Variants in KCNMB2 observed in about 807,000 individuals in gnomAD.
KCNMB2 encodes calcium-activated potassium channel subunit beta-2.
KCNMB2 carries 9 observed loss-of-function variants against 24.5 expected under a neutral mutation model. That is an observed-to-expected ratio of 0.37 (90% CI 0.22 to 0.64). The LOEUF is 0.64. Among genes scored for constraint, KCNMB2 ranks in the 30% least tolerant of loss-of-function variants. The pLI is 0.63. For synonymous variants in KCNMB2, 109 were observed against 104.4 expected (o/e 1.04, Z -0.27); for missense variants, 226 against 284.3 (o/e 0.79, Z 1.47).
chr3:178,660,733 G>A (rs1434114662), intron 1 of KCNMB2, among the ~76,000 whole-genome samples: 1 of 152,116 alleles, frequency 6.6e-6, no homozygotes, highest in Non-Finnish European at 1.5e-5. Context: ...GACTTGCTCA[G>A]GGTCACAGAG....
chr3:178,603,214 T>C (rs1718153716), intron 1 of KCNMB2, among the ~76,000 whole-genome samples: 1 of 152,188 alleles, frequency 6.6e-6, no homozygotes. Flanking sequence ...CTTATAAGTC[T>C]CATAAGTAGA....
chr3:178,831,490 A>G (rs1249296841), intron 4 of KCNMB2, among the ~76,000 whole-genome samples: 2 of 152,212 alleles, frequency 1.3e-5, no homozygotes, highest in Non-Finnish European at 2.9e-5. Flanking sequence ...ATATGGAATC[A>G]ACCTAAATGC....
At chr3:178,695,898 C>T (rs933039767) in intron 1 of KCNMB2, among the ~76,000 whole-genome samples, 2 of 152,202 alleles carry the variant, frequency 1.3e-5, no homozygotes, top group African/African-American at 4.8e-5. Context: ...AAAGTTGCTT[C>T]CACATTTTTT....
chr3:178,545,177 C>T (rs1293038372), intron 1 of KCNMB2, among the ~76,000 whole-genome samples: 1 of 152,110 alleles, frequency 6.6e-6, no homozygotes, highest in South Asian at 2.1e-4. Flanking sequence ...TTGTAGAATC[C>T]TATCACTCAC....
intron 1 of KCNMB2, among the ~76,000 whole-genome samples, chr3:178,600,647 T>C (rs1231737039): frequency 1.3e-5 from 2 of 152,100 alleles, no homozygotes; most frequent in Admixed American, 1.3e-4. Context: ...GATGGGGACT[T>C]CAGGACAGAG....
At chr3:178,757,105 T>G (rs969384611) in intron 1 of KCNMB2, 2 of 151,228 alleles carry the variant, frequency 1.3e-5, no homozygotes, top group African/African-American at 2.4e-5. Context: ...GCCCCATCTT[T>G]GTTTCTTCTT....
At chr3:178,804,211 T>C (rs1299921537) in intron 1 of KCNMB2, among the ~76,000 whole-genome samples, 1 of 152,206 alleles carries the variant, frequency 6.6e-6, no homozygotes, top group Non-Finnish European at 1.5e-5. Context: ...AAAAGTTTCT[T>C]GTCCTATAAA....
At chr3:178,751,328 C>A (rs58004743) in intron 1 of KCNMB2, among the ~76,000 whole-genome samples, 1 of 152,016 alleles carries the variant, frequency 6.6e-6, no homozygotes, top group African/African-American at 2.4e-5. Flanking sequence ...TGCCTGTAAT[C>A]TCAGCACTTT....
chr3:178,583,384 T>C (rs553527019), intron 1 of KCNMB2, among the ~76,000 whole-genome samples: 1 of 152,204 alleles, frequency 6.6e-6, no homozygotes, highest in Admixed American at 6.5e-5. Flanking sequence ...TATACAAATA[T>C]AAAAAGGGAA....
chr3:178,539,315 T>C (rs1055820307), intron 1 of KCNMB2, among the ~76,000 whole-genome samples: 4 of 152,186 alleles, frequency 2.6e-5, no homozygotes, highest in East Asian at 3.8e-4. Context: ...TTAATGCATA[T>C]GTGTGTATGA....
chr3:178,684,659 C>G lies in KCNMB2; in HGVS notation c.-67-122684C>G, dbSNP rs1321894660. 2.6e-5 allele frequency among the ~76,000 whole-genome samples: 4 copies of G among 152,056 alleles called. 1 individual carries two copies. Among genetic ancestry groups the G allele is most frequent in the African/African-American group, 9.7e-5 (4 of 41,374 alleles). ...CCTGACCAACATGGAGAAACCCCGT[C>G]TCTACTAAAAATACAAAAAAAGTTA... On this transcript the variant is annotated intron_variant, in intron 1 of 4. Transcript: ENST00000452583.
chr3:178,722,736 TA>T (rs1722848862), intron 1 of KCNMB2, among the ~76,000 whole-genome samples: 1 of 152,022 alleles, frequency 6.6e-6, no homozygotes, highest in South Asian at 2.1e-4. Flanking sequence ...CTACAAAAAA[TA>T]CAAAAATTAT....
At chr3:178,751,426 A>T (rs1408559231) in intron 1 of KCNMB2, among the ~76,000 whole-genome samples, 1 of 151,934 alleles carries the variant, frequency 6.6e-6, no homozygotes, top group Non-Finnish European at 1.5e-5. Context: ...TAAAAATACA[A>T]AAAATTAGCT....
chr3:178,711,366 C>T (rs1476391920), intron 1 of KCNMB2, among the ~76,000 whole-genome samples: 1 of 152,016 alleles, frequency 6.6e-6, no homozygotes, highest in Non-Finnish European at 1.5e-5. Flanking sequence ...ATTCTTGCAT[C>T]CTGCACAGAG....
chr3:178,541,991 A>G (rs1294370812), intron 1 of KCNMB2, among the ~76,000 whole-genome samples: 10 of 152,078 alleles, frequency 6.6e-5, no homozygotes, highest in East Asian at 1.9e-4. Context: ...AAATTAGCCA[A>G]TTGGAATTAG....
At chr3:178,593,026 C>T (rs951903510) in intron 1 of KCNMB2, among the ~76,000 whole-genome samples, 9 of 151,840 alleles carry the variant, frequency 5.9e-5, no homozygotes, top group Non-Finnish European at 8.8e-5. Flanking sequence ...AAATAAAGTA[C>T]GAGCAGAGGG....
At chr3:178,570,141 G>T (rs193022596) in intron 1 of KCNMB2, among the ~76,000 whole-genome samples, 8 of 152,218 alleles carry the variant, frequency 5.3e-5, no homozygotes, top group Admixed American at 3.9e-4. Context: ...GAAGTAGTTT[G>T]TTTTCAATAT....
At chr3:178,599,241 T>C (rs377728555) in intron 1 of KCNMB2, among the ~76,000 whole-genome samples, 3 of 152,274 alleles carry the variant, frequency 2.0e-5, no homozygotes, top group South Asian at 4.1e-4. Flanking sequence ...CTTTTTAAAA[T>C]ATTTGCTTAA....
chr3:178,735,821 G>A (rs1227482060), intron 1 of KCNMB2, among the ~76,000 whole-genome samples: 1 of 152,218 alleles, frequency 6.6e-6, no homozygotes, highest in Non-Finnish European at 1.5e-5. Flanking sequence ...GTTGGAAGAA[G>A]AGACTCACTT....
Sources: allele counts gnomAD v4.1 joint callset (sites outside exome capture counted in the v4.1 genomes callset), GRCh38; gene constraint gnomAD v4.1.1; transcripts MANE v1.5; gene names NCBI Gene and HGNC (gene_info 2026-07-23, HGNC 2026-07-21).